Variants in ZFAND3 observed in about 807,000 individuals in gnomAD.
The protein encoded by ZFAND3 is AN1-type zinc finger protein 3.
In ZFAND3, 10 loss-of-function variants were observed where a neutral mutation model predicts 29.6. That is an observed-to-expected ratio of 0.34 (90% CI 0.21 to 0.57). The LOEUF (loss-of-function observed/expected upper bound fraction) is 0.57, where lower values mean the gene tolerates loss of function less well. ZFAND3 is among the 20% of genes least tolerant of loss of function. ZFAND3 has a pLI of 0.86. For synonymous variants in ZFAND3, 128 were observed against 112.6 expected, an observed-to-expected ratio of 1.14 and a Z score of -0.87; for missense variants, 230 against 304.5, an observed-to-expected ratio of 0.76 and a Z score of 1.82.
Position 38,043,253 on chromosome 6 carries a change from G to A in ZFAND3, c.113-18340G>A, listed in dbSNP as rs192468035. Among the ~76,000 whole-genome samples, 13 of 144,260 alleles carry A rather than the reference G, an allele frequency of 9.0e-5. No individual in the cohort carries two copies. The East Asian group carries it at 2.6e-3, about 29-fold the overall frequency. 94.6% of individuals were successfully genotyped at this position (144,260 alleles called of 152,430 possible). A position where few individuals can be genotyped will look rare whatever the true frequency, so the allele number is the denominator to read the frequency against. On this transcript the variant is annotated intron_variant, in intron 2 of 5. Transcript: ENST00000287218. The stretch of plus-strand genomic sequence containing the variant: ...CGTATCTCCCTTTTCCCTTTCTACT[G>A]CCACCCTGTGAGCCACCATGCCCAG...
At chr6:37,902,079 A>G (rs1765328058) in intron 1 of ZFAND3, among the ~76,000 whole-genome samples, 1 of 152,172 alleles carries the variant, frequency 6.6e-6, no homozygotes, top group African/African-American at 2.4e-5. Flanking sequence ...TTTGGAAAGT[A>G]TAGATACTGC....
At chr6:38,020,972 AGCTGGGT>A (rs1763338954) in intron 2 of ZFAND3, among the ~76,000 whole-genome samples, 2 of 152,254 alleles carry the variant, frequency 1.3e-5, no homozygotes, top group Non-Finnish European at 2.9e-5. Flanking sequence ...TTCTGTCATC[AGCTGGGT>A]CAAATTTATT....
chr6:37,924,978 A>G (rs1264923505), intron 1 of ZFAND3, among the ~76,000 whole-genome samples: 1 of 152,040 alleles, frequency 6.6e-6, no homozygotes, highest in Non-Finnish European at 1.5e-5. Flanking sequence ...GAACAGAGAA[A>G]AGGCAAGCAT....
chr6:37,899,851 G>A (rs1410562577), intron 1 of ZFAND3, among the ~76,000 whole-genome samples: 1 of 152,116 alleles, frequency 6.6e-6, no homozygotes, highest in East Asian at 1.9e-4. Flanking sequence ...ATGTAACCAT[G>A]GTGTTTTTTG....
At chr6:37,849,143 T>A (rs1245450829) in intron 1 of ZFAND3, among the ~76,000 whole-genome samples, 1 of 152,166 alleles carries the variant, frequency 6.6e-6, no homozygotes, top group Non-Finnish European at 1.5e-5. Flanking sequence ...CTGCTGCTCA[T>A]CAACGGGGGC....
At chr6:38,018,893 A>C (rs1010435796) in intron 2 of ZFAND3, among the ~76,000 whole-genome samples, 2 of 151,650 alleles carry the variant, frequency 1.3e-5, no homozygotes, top group East Asian at 3.9e-4. Context: ...AATAATTTAC[A>C]CTCCCACTGG....
intron 2 of ZFAND3, among the ~76,000 whole-genome samples, chr6:37,998,122 G>C (rs1468462692): frequency 6.6e-6 from 1 of 152,190 alleles, no homozygotes; most frequent in South Asian, 2.1e-4. Flanking sequence ...TTATTCAACT[G>C]TAAAAAGAAA....
intron 2 of ZFAND3, among the ~76,000 whole-genome samples, chr6:37,997,027 G>A (rs983348317): frequency 6.6e-6 from 1 of 152,130 alleles, no homozygotes; most frequent in Non-Finnish European, 1.5e-5. Context: ...ATGTACTCTA[G>A]AACTTCATAT....
intron 1 of ZFAND3, among the ~76,000 whole-genome samples, chr6:37,913,708 C>CTTTTTTTTTT (rs56045448): frequency 0.013 from 1,469 of 112,878 alleles, 81 homozygotes; most frequent in Non-Finnish European, 0.016. Flanking sequence ...CAGCTATATT[C>CTTTTTTTTTT]TTTTTTTTTT....
At chr6:38,133,625 C>T (rs1259617154) in intron 5 of ZFAND3, among the ~76,000 whole-genome samples, 1 of 152,030 alleles carries the variant, frequency 6.6e-6, no homozygotes, top group Non-Finnish European at 1.5e-5. Context: ...TGGCGGGCGC[C>T]TGTAGTCCCA....
chr6:38,064,304 C>T (rs191739210), intron 3 of ZFAND3, among the ~76,000 whole-genome samples: 1 of 152,304 alleles, frequency 6.6e-6, no homozygotes, highest in East Asian at 1.9e-4. Flanking sequence ...ATTTATTGAG[C>T]ACTTTGTATA....
intron 1 of ZFAND3, among the ~76,000 whole-genome samples, chr6:37,846,502 T>C (rs1216239682): frequency 6.6e-6 from 1 of 152,188 alleles, no homozygotes; most frequent in Non-Finnish European, 1.5e-5. Flanking sequence ...GCAGCTGATA[T>C]TTCTGTAGCA....
chr6:37,821,105 C>T (rs1311293298), intron 1 of ZFAND3, among the ~76,000 whole-genome samples: 1 of 152,202 alleles, frequency 6.6e-6, no homozygotes, highest in African/African-American at 2.4e-5. Flanking sequence ...GTGAGGACAT[C>T]TTGGGAAGAA....
chr6:38,105,072 T>TA lies in ZFAND3; in HGVS notation c.362-11499dup, dbSNP rs1437376204. 7.2e-5 allele frequency among the ~76,000 whole-genome samples: 11 copies of TA among 152,366 alleles called. 1 individual carries two copies. The highest frequency in any genetic ancestry group is 3.3e-4 in the Admixed American group (5 of 15,310). On this transcript the variant is annotated intron_variant, in intron 4 of 5. Coordinates refer to ENST00000287218, the MANE Select transcript of ZFAND3 (RefSeq NM_021943.3). ...TCATGTGTGAAATGCAGGTAGTAGC[T>TA]ACCTCATAGCCTTGTTGTAACACCA...
Position 37,970,916 on chromosome 6 carries a change from AC to A in ZFAND3, c.112+40919del, listed in dbSNP as rs140023130. Among the ~76,000 whole-genome samples, 2,010 of 131,410 alleles carry A rather than the reference AC, an allele frequency of 0.015. 204 individuals are homozygous for A. The East Asian group carries it at 0.27, about 18-fold the overall frequency. The allele number at this position is 131,410 out of a possible 152,430, so 86.2% of individuals were successfully genotyped here. ...CGAGACTCCGTCTCAAAACAAACAA[AC>A]CAAACAAACAAACAAACAAACAAAA... On this transcript the variant is annotated intron_variant, in intron 2 of 5. Transcript: ENST00000287218.
chr6:37,973,037 AAGTCATC>A (rs1178690451), intron 2 of ZFAND3, among the ~76,000 whole-genome samples: 1 of 152,060 alleles, frequency 6.6e-6, no homozygotes, highest in Non-Finnish European at 1.5e-5. Flanking sequence ...TCATTTGTCA[AAGTCATC>A]ATGAATATAC....
chr6:37,844,085 T>C (rs923986373), intron 1 of ZFAND3, among the ~76,000 whole-genome samples: 10 of 151,964 alleles, frequency 6.6e-5, no homozygotes, highest in African/African-American at 2.4e-4. Flanking sequence ...GCTTTTTTTC[T>C]TTTTTTCTTT....
chr6:37,897,925 T>C (rs1223381262), intron 1 of ZFAND3, among the ~76,000 whole-genome samples: 1 of 152,146 alleles, frequency 6.6e-6, no homozygotes. Context: ...CTTTTTATAG[T>C]TTACGCACAT....
At chr6:37,833,892 G>C (rs1001049122) in intron 1 of ZFAND3, among the ~76,000 whole-genome samples, 25 of 149,548 alleles carry the variant, frequency 1.7e-4, no homozygotes, top group African/African-American at 5.9e-4. Flanking sequence ...AAATTTACTA[G>C]AAGGTAAAAA....
Sources: allele counts gnomAD v4.1 joint callset (sites outside exome capture counted in the v4.1 genomes callset), GRCh38; gene constraint gnomAD v4.1.1; transcripts MANE v1.5; gene names NCBI Gene and HGNC (gene_info 2026-07-23, HGNC 2026-07-21).